Variants in TCF7L1 observed in about 807,000 individuals in gnomAD.
The protein encoded by TCF7L1 is transcription factor 7 like 1, also known as transcription factor 7-like 1.
A neutral mutation model predicts 63.7 loss-of-function variants in TCF7L1; 18 were observed. The observed-to-expected ratio is 0.28, with a 90% CI of 0.20 to 0.42. The LOEUF (loss-of-function observed/expected upper bound fraction) is 0.42. Among genes scored for constraint, TCF7L1 ranks in the 10% least tolerant of loss-of-function variants. The probability of loss-of-function intolerance (pLI) is 1.00; values close to 1 mark genes in which losing one functional copy is unlikely to be tolerated. For missense variants in TCF7L1, 654 were observed against 779.3 expected (o/e 0.84, Z 1.91); for synonymous variants, 355 against 340.9 (o/e 1.04, Z -0.46).
At chr2:85,159,773 G>A (rs1403198946) in intron 3 of TCF7L1, among the ~76,000 whole-genome samples, 3 of 152,224 alleles carry the variant, frequency 2.0e-5, no homozygotes, top group Non-Finnish European at 4.4e-5. Flanking sequence ...CTCACAGCAG[G>A]CCTGGCCTGA....
chr2:85,266,965 G>A (rs1319254580), intron 3 of TCF7L1, among the ~76,000 whole-genome samples: 2 of 152,208 alleles, frequency 1.3e-5, no homozygotes, highest in African/African-American at 4.8e-5. Context: ...GGGCCTGACT[G>A]CCCTTATCTG....
intron 3 of TCF7L1, among the ~76,000 whole-genome samples, chr2:85,259,500 G>C (rs1179924481): frequency 6.6e-6 from 1 of 152,216 alleles, no homozygotes; most frequent in Non-Finnish European, 1.5e-5. Flanking sequence ...AATTGTGAAA[G>C]AATCTGAGTT....
rs953176700 is a variant in TCF7L1, at chr2:85,305,539, C to T, written c.989+136C>T. ...AGGCATCACAGCCTCCCCAGCCAGG[C>T]CCTCCCTCTTCCTCGGGACTTACTC... is the stretch of plus-strand genomic sequence containing the variant. On this transcript the variant is annotated intron_variant, in intron 8 of 11. Coordinates refer to ENST00000282111, the MANE Select transcript of TCF7L1 (RefSeq NM_031283.3). 9.5e-5 allele frequency: 105 copies of T among 1,107,396 alleles called. 1 individual carries two copies. Among genetic ancestry groups the T allele is most frequent in the Non-Finnish European group, 1.2e-4 (95 of 801,546 alleles). 68.6% of individuals were successfully genotyped at this position (1,107,396 alleles called of 1,614,324 possible). A position where few individuals can be genotyped will look rare whatever the true frequency, so the allele number is the denominator to read the frequency against.
chr2:85,242,845 A>G (rs1317181435), intron 3 of TCF7L1, among the ~76,000 whole-genome samples: 2 of 152,176 alleles, frequency 1.3e-5, no homozygotes, highest in African/African-American at 4.8e-5. Context: ...CTATTGAAGC[A>G]GATGTTTTAC....
At chr2:85,164,394 T>C (rs1199124080) in intron 3 of TCF7L1, among the ~76,000 whole-genome samples, 1 of 152,146 alleles carries the variant, frequency 6.6e-6, no homozygotes, top group African/African-American at 2.4e-5. Context: ...TCAGGGGCAG[T>C]GTTAAACATC....
In TCF7L1 at chr2:85,168,592, CAG is replaced by C. The variant is rs1678474964; in HGVS notation, c.441+34145_441+34146del. ...GTGGACTGAACCTGGGACAGGCTAT[CAG>C]AGGAGGGCCACAGGTCCATCTGTAA... On this transcript the variant is annotated intron_variant, in intron 3 of 11. Coordinates refer to ENST00000282111, the MANE Select transcript of TCF7L1 (RefSeq NM_031283.3). Among the ~76,000 whole-genome samples, 7 of 150,846 alleles carry C rather than the reference CAG, an allele frequency of 4.6e-5. No homozygotes were observed. In the South Asian group the frequency reaches 1.5e-3, roughly 32 times the overall value.
intron 3 of TCF7L1, among the ~76,000 whole-genome samples, chr2:85,140,138 T>C (rs1677689409): frequency 1.3e-5 from 2 of 152,170 alleles, no homozygotes; most frequent in Non-Finnish European, 2.9e-5. Context: ...AGTTAATTCC[T>C]GGTGTCCAAG....
At chr2:85,299,771 A>G (rs977470270) in intron 4 of TCF7L1, among the ~76,000 whole-genome samples, 3 of 150,502 alleles carry the variant, frequency 2.0e-5, no homozygotes, top group African/African-American at 7.4e-5. Flanking sequence ...AGGTGGGAGG[A>G]TTGCTTGAGC....
intron 3 of TCF7L1, among the ~76,000 whole-genome samples, chr2:85,161,267 T>C (rs1228106540): frequency 6.6e-6 from 1 of 152,238 alleles, no homozygotes; most frequent in Non-Finnish European, 1.5e-5. Context: ...GAGACATGAA[T>C]GAACTCAGGA....
chr2:85,157,751 C>T (rs554085060), intron 3 of TCF7L1, among the ~76,000 whole-genome samples: 2 of 152,250 alleles, frequency 1.3e-5, no homozygotes, highest in Non-Finnish European at 2.9e-5. Context: ...TAGGAGGCCT[C>T]TGGGTGAAGA....
intron 3 of TCF7L1, among the ~76,000 whole-genome samples, chr2:85,150,600 T>C (rs1208933277): frequency 1.3e-5 from 2 of 151,932 alleles, no homozygotes; most frequent in East Asian, 3.9e-4. Context: ...TTTTTTTTTT[T>C]CTGGTGTTTC....
chr2:85,283,623 G>GC, intron 4 of TCF7L1, 45 bp downstream of exon 4: 2 of 1,601,870 alleles, frequency 1.2e-6, no homozygotes, highest in Non-Finnish European at 1.7e-6. Flanking sequence ...ACTATTAGTG[G>GC]CCTCATCCCA....
intron 3 of TCF7L1, among the ~76,000 whole-genome samples, chr2:85,174,521 T>C (rs1678631428): frequency 6.6e-6 from 1 of 152,078 alleles, no homozygotes; most frequent in African/African-American, 2.4e-5. Flanking sequence ...GGCTCAGCAA[T>C]GGTACATGCA....
chr2:85,180,103 G>T (rs1678767898), intron 3 of TCF7L1, among the ~76,000 whole-genome samples: 1 of 152,214 alleles, frequency 6.6e-6, no homozygotes, highest in South Asian at 2.1e-4. Flanking sequence ...AGGGGCAGGG[G>T]GCACTGGCTG....
chr2:85,239,635 A>G (rs774551048), intron 3 of TCF7L1, among the ~76,000 whole-genome samples: 28 of 152,206 alleles, frequency 1.8e-4, no homozygotes, highest in Non-Finnish European at 3.2e-4. Context: ...TTAAATTTTC[A>G]TGTAGCCACA....
intron 3 of TCF7L1, among the ~76,000 whole-genome samples, chr2:85,234,325 G>C (rs1486230767): frequency 1.3e-5 from 2 of 151,300 alleles, no homozygotes; most frequent in Non-Finnish European, 2.9e-5. Context: ...TAGTAGAGAT[G>C]GGTTTTCACC....
chr2:85,201,951 T>G lies in TCF7L1; in HGVS notation c.441+67501T>G, dbSNP rs1572989454. On this transcript the variant is annotated intron_variant, in intron 3 of 11. Coordinates refer to ENST00000282111, the MANE Select transcript of TCF7L1 (RefSeq NM_031283.3). Reference sequence around the variant, plus strand: ...GTCTTTTGACTTTTTATTTATTTATTTATTTATTTATTTATTTTATTTTAT... The same window carrying G: ...GTCTTTTGACTTTTTATTTATTTATGTATTTATTTATTTATTTTATTTTAT... Among the ~76,000 whole-genome samples the G allele has an allele frequency of 2.6e-5, 4 of 151,674 alleles. No homozygotes were observed. The East Asian group carries it at 7.7e-4, about 29-fold the overall frequency.
chr2:85,243,079 T>C (rs541435494), intron 3 of TCF7L1, among the ~76,000 whole-genome samples: 7 of 152,334 alleles, frequency 4.6e-5, no homozygotes, highest in African/African-American at 1.7e-4. Context: ...ATGTGCAGGA[T>C]TGGTAGGCAT....
chr2:85,145,529 G>C (rs1300284026), intron 3 of TCF7L1, among the ~76,000 whole-genome samples: 1 of 152,226 alleles, frequency 6.6e-6, no homozygotes, highest in East Asian at 1.9e-4. Context: ...GATATGTCAG[G>C]GTCATTAAAC....
Sources: allele counts gnomAD v4.1 joint callset (sites outside exome capture counted in the v4.1 genomes callset), GRCh38; gene constraint gnomAD v4.1.1; transcripts MANE v1.5; gene names NCBI Gene and HGNC (gene_info 2026-07-23, HGNC 2026-07-21).